Variants in MYO5B observed in about 807,000 individuals in gnomAD.
The protein encoded by MYO5B is unconventional myosin-Vb.
A neutral mutation model predicts 229.3 loss-of-function variants in MYO5B; 143 were observed. The ratio of observed to expected loss-of-function variants is 0.62; its 90% CI spans 0.54 to 0.72. MYO5B has a LOEUF of 0.72. Ranked by LOEUF, MYO5B falls within the 30% of genes least tolerant of loss-of-function variation. MYO5B has a pLI of 0.00. For synonymous variants in MYO5B, 918 were observed against 885.2 expected (o/e 1.04, Z -0.66); for missense variants, 2,321 against 2,331.0 (o/e 1.00, Z 0.09).
chr18:49,901,021 C>T (rs1272452731), intron 21 of MYO5B, among the ~76,000 whole-genome samples: 1 of 152,194 alleles, frequency 6.6e-6, no homozygotes, highest in African/African-American at 2.4e-5. Context: ...CCCACCATTT[C>T]CTCATATACA....
chr18:49,940,943 C>T (rs2025306904), intron 14 of MYO5B, among the ~76,000 whole-genome samples: 1 of 152,216 alleles, frequency 6.6e-6, no homozygotes, highest in Non-Finnish European at 1.5e-5. Context: ...AAATTAGTTC[C>T]TCTTACCTCA....
intron 1 of MYO5B, among the ~76,000 whole-genome samples, chr18:50,083,453 G>A (rs2031264284): frequency 6.6e-6 from 1 of 152,086 alleles, no homozygotes; most frequent in Admixed American, 6.5e-5. Context: ...AATACCTAGG[G>A]GCCACCAGCC....
intron 39 of MYO5B, 55 bp downstream of exon 39, chr18:49,835,289 A>T: frequency 7.4e-7 from 1 of 1,348,160 alleles, no homozygotes; most frequent in Non-Finnish European, 1.1e-6. Context: ...CCAAATTTTT[A>T]ATTTCCTTTA....
At position 49,863,372 on chromosome 18, in the gene MYO5B, C is replaced by T. The variant is rs1475743279; in HGVS notation, c.3844-45G>A. 3.9e-6 allele frequency: 6 copies of T among 1,534,584 alleles called. No homozygotes were observed. In the South Asian group the frequency reaches 6.7e-5, roughly 17 times the overall value. On this transcript the variant is annotated intron_variant, in intron 28 of 39. Transcript: ENST00000285039. ...AAAATAACTCTGGTTAAACAATTGC[C>T]ACAAAATGGCTTTATATACAAACAG...
chr18:50,120,325 A>C (rs753671732), intron 1 of MYO5B, among the ~76,000 whole-genome samples: 1 of 152,204 alleles, frequency 6.6e-6, no homozygotes, highest in Non-Finnish European at 1.5e-5. Flanking sequence ...CCAGAGCCAT[A>C]GGTTTCTAGC....
At chr18:49,911,999 C>T (rs982390222) in intron 18 of MYO5B, 63 bp downstream of exon 18, 3 of 1,250,052 alleles carry the variant, frequency 2.4e-6, no homozygotes, top group African/African-American at 3.0e-5. Context: ...GATAACGACG[C>T]CACCCCCTCA....
At chr18:49,928,249 A>G (rs921184775) in intron 17 of MYO5B, among the ~76,000 whole-genome samples, 1 of 152,352 alleles carries the variant, frequency 6.6e-6, no homozygotes, top group Admixed American at 6.5e-5. Context: ...GTTGGCATGG[A>G]TGTGGTGAAA....
intron 1 of MYO5B, among the ~76,000 whole-genome samples, chr18:50,194,144 T>C (rs72921772): frequency 0.034 from 5,158 of 152,274 alleles, 127 homozygotes; most frequent in South Asian, 0.061. Context: ...TCTCCGGAGA[T>C]AACGGCGCAC....
intron 2 of MYO5B, among the ~76,000 whole-genome samples, chr18:50,045,303 A>C (rs969031634): frequency 6.6e-6 from 1 of 152,158 alleles, no homozygotes; most frequent in East Asian, 1.9e-4. Context: ...AGGGCTGCAA[A>C]ATTACAGCTG....
intron 5 of MYO5B, 82 bp from the exon 6 acceptor site, chr18:49,992,513 GT>G (rs954914092): frequency 6.3e-7 from 1 of 1,586,718 alleles, no homozygotes; most frequent in African/African-American, 1.3e-5. Context: ...GGCAGCATGT[GT>G]CCCCTTTCTC....
rs757104392 is a variant in MYO5B, at chr18:49,984,802, T to C, written c.862A>G (p.Thr288Ala). ...ALTSAEDFFYTSQGGDTSIEG... is the reference protein window; with the variant it reads ...ALTSAEDFFYASQGGDTSIEG... ...ATGGAAGTGTCTCCTCCCTGTGATG[T>C]ATAGAAAAAGTCCTCTGCACTTGCT... Residue 288 changes from threonine (T) to alanine (A), a missense_variant, in exon 8 of 40, where the codon ACA becomes GCA. This residue lies in a region of MYO5B where 2,113 missense variants were observed against 2,044.7 expected (regional missense o/e 1.03). Coordinates refer to ENST00000285039, the MANE Select transcript of MYO5B (RefSeq NM_001080467.3). The C allele has an allele frequency of 1.2e-6, 2 of 1,613,346 alleles. No individual in the cohort carries two copies. The highest frequency in any genetic ancestry group is 2.2e-5 in the South Asian group (2 of 91,054).
In MYO5B at chr18:50,169,818, C is replaced by G. The variant is rs1384341262; in HGVS notation, c.27+24949G>C. 6.3e-5 allele frequency among the ~76,000 whole-genome samples: 8 copies of G among 127,304 alleles called. 2 individuals carry two copies. The East Asian group carries it at 1.8e-3, about 29-fold the overall frequency. 83.5% of individuals were successfully genotyped at this position (127,304 alleles called of 152,430 possible). The stretch of plus-strand genomic sequence containing the variant: ...ACAGTATTTTAAAGAAATTTTTGCT[C>G]TTCACCTTTCCACTTGCTTTCCACC... On this transcript the variant is annotated intron_variant, in intron 1 of 39. Coordinates refer to ENST00000285039, the MANE Select transcript of MYO5B (RefSeq NM_001080467.3).
At chr18:50,127,243 G>A (rs893556437) in intron 1 of MYO5B, among the ~76,000 whole-genome samples, 6 of 152,162 alleles carry the variant, frequency 3.9e-5, no homozygotes. Context: ...CCATATTTGG[G>A]CACCTATTAT....
At chr18:49,876,551 G>A (rs2024526043) in intron 25 of MYO5B, among the ~76,000 whole-genome samples, 1 of 152,174 alleles carries the variant, frequency 6.6e-6, no homozygotes, top group Admixed American at 6.5e-5. Context: ...GTTCCACCAA[G>A]GCTTCATGTT....
rs184192608 is a variant in MYO5B at position 49,931,972 on chromosome 18, T to C, written c.2004-2374A>G. On this transcript the variant is annotated intron_variant, in intron 16 of 39. Coordinates refer to ENST00000285039, the MANE Select transcript of MYO5B (RefSeq NM_001080467.3). ...TGACCACAGGGTCAAGTTCAGCCCA[T>C]TGCACACACCAGGGATGGCAGCGTG... 5.9e-5 allele frequency among the ~76,000 whole-genome samples: 9 copies of C among 152,262 alleles called. No homozygotes were observed. The East Asian group carries it at 1.2e-3, about 20-fold the overall frequency.
chr18:50,054,602 TAA>T (rs2030493679), intron 2 of MYO5B, among the ~76,000 whole-genome samples: 2 of 152,192 alleles, frequency 1.3e-5, no homozygotes, highest in South Asian at 4.1e-4. Flanking sequence ...CATGAGAAGG[TAA>T]ACTAAATCAG....
At chr18:49,932,626 C>T (rs974820070) in intron 16 of MYO5B, among the ~76,000 whole-genome samples, 4 of 152,086 alleles carry the variant, frequency 2.6e-5, no homozygotes, top group African/African-American at 9.7e-5. Flanking sequence ...ACATATCTGC[C>T]CAACTATAAA....
At position 50,169,475 on chromosome 18, in the gene MYO5B, C is replaced by T. The variant is rs1401660134; in HGVS notation, c.27+25292G>A. 4.7e-5 allele frequency among the ~76,000 whole-genome samples: 6 copies of T among 127,210 alleles called. 3 individuals carry two copies. Among genetic ancestry groups the T allele is most frequent in the Non-Finnish European group, 1.0e-4 (6 of 59,760 alleles). The allele number at this position is 127,210 out of a possible 152,430, so 83.5% of individuals were successfully genotyped here. A position where few individuals can be genotyped will look rare whatever the true frequency, so the allele number is the denominator to read the frequency against. On this transcript the variant is annotated intron_variant, in intron 1 of 39. Coordinates refer to ENST00000285039, the MANE Select transcript of MYO5B (RefSeq NM_001080467.3). ...AGGACAAATTAGACATAACATGCCA[C>T]CGCATGGGTTGCAATCATCATCACA...
chr18:50,044,549 C>T (rs954384920), intron 2 of MYO5B, among the ~76,000 whole-genome samples: 5 of 151,984 alleles, frequency 3.3e-5, no homozygotes, highest in Middle Eastern at 6.3e-3. Flanking sequence ...GATGGAGGTC[C>T]CCAGTTGGTC....
Sources: gnomAD v4.1 joint callset for allele counts (sites outside exome capture counted in the v4.1 genomes callset) on GRCh38, gnomAD v4.1.1 for gene constraint, gnomAD v4.1.1 regional missense constraint, MANE v1.5 for transcripts, NCBI Gene and HGNC (gene_info 2026-07-23, HGNC 2026-07-21) for gene names.